The following DOK6 variants were observed in gnomAD, a reference collection of about 807,000 sequenced individuals.
DOK6 encodes the protein docking protein 6.
A neutral mutation model predicts 44.0 loss-of-function variants in DOK6; 22 were observed. That is an observed-to-expected ratio of 0.50 (90% CI 0.36 to 0.71). The LOEUF is 0.71. Among genes scored for constraint, DOK6 ranks in the 30% least tolerant of loss-of-function variants. The pLI is 0.00. For synonymous variants in DOK6, 166 were observed against 145.5 expected, an observed-to-expected ratio of 1.14 and a Z score of -1.01; for missense variants, 340 against 416.4, an observed-to-expected ratio of 0.82 and a Z score of 1.60.
chr18:69,699,210 G>C (rs973665286), intron 5 of DOK6, among the ~76,000 whole-genome samples: 6 of 152,056 alleles, frequency 3.9e-5, no homozygotes, highest in Non-Finnish European at 5.9e-5. Context: ...ACACATCCAA[G>C]ATAAGACTTA....
At chr18:69,464,719 C>T (rs550807073) in intron 1 of DOK6, among the ~76,000 whole-genome samples, 3 of 152,184 alleles carry the variant, frequency 2.0e-5, no homozygotes, top group Non-Finnish European at 4.4e-5. Context: ...TGAAGAAAGT[C>T]AGTCTTCACT....
At chr18:69,582,480 G>A (rs972077129) in intron 2 of DOK6, among the ~76,000 whole-genome samples, 1 of 152,134 alleles carries the variant, frequency 6.6e-6, no homozygotes, top group Non-Finnish European at 1.5e-5. Flanking sequence ...TTGTAACAAA[G>A]AGTTGATATA....
chr18:69,682,258 C>T (rs1445816032), intron 4 of DOK6, among the ~76,000 whole-genome samples: 4 of 152,144 alleles, frequency 2.6e-5, no homozygotes, highest in Non-Finnish European at 5.9e-5. Flanking sequence ...TGCTTAGAAG[C>T]TCACAAAGTA....
intron 7 of DOK6, among the ~76,000 whole-genome samples, chr18:69,800,352 G>A (rs184533536): frequency 2.8e-4 from 43 of 151,948 alleles, no homozygotes; most frequent in African/African-American, 7.7e-4. Flanking sequence ...ATCATCCTGC[G>A]CTTATTTTGT....
chr18:69,673,918 G>A (rs552455656), intron 3 of DOK6, among the ~76,000 whole-genome samples: 1 of 152,298 alleles, frequency 6.6e-6, no homozygotes, highest in South Asian at 2.1e-4. Context: ...TACACATTAT[G>A]TGTAGACTAA....
chr18:69,586,058 C>T (rs570586881), intron 2 of DOK6, among the ~76,000 whole-genome samples: 3 of 152,326 alleles, frequency 2.0e-5, no homozygotes, highest in South Asian at 4.1e-4. Flanking sequence ...TCCTGGCCAA[C>T]TCATGGTAGT....
chr18:69,612,431 A>ATGTGTGCGAGGGCGCC lies in DOK6; in HGVS notation c.289+12948_289+12949insCTGTGTGCGAGGGCGC, dbSNP rs1984171620. Among the ~76,000 whole-genome samples the ATGTGTGCGAGGGCGCC allele has an allele frequency of 2.0e-5, 3 of 147,262 alleles. 1 individual carries two copies. The highest frequency in any genetic ancestry group is 3.1e-5 in the Non-Finnish European group (2 of 64,688). ...CGAGGGCGCATGTGTGCGAGGGCGC[A>ATGTGTGCGAGGGCGCC]TGTGTGCGAGGGCGCATGTGTGCGA... is the stretch of plus-strand genomic sequence containing the variant. On this transcript the variant is annotated intron_variant, in intron 3 of 7. Transcript: ENST00000382713.
chr18:69,431,139 T>C (rs555783901), intron 1 of DOK6, among the ~76,000 whole-genome samples: 1 of 152,244 alleles, frequency 6.6e-6, no homozygotes, highest in African/African-American at 2.4e-5. Flanking sequence ...GGAAAAGAGA[T>C]AGTTATTGCA....
chr18:69,639,412 G>A (rs932470220), intron 3 of DOK6, among the ~76,000 whole-genome samples: 8 of 152,136 alleles, frequency 5.3e-5, no homozygotes, highest in Middle Eastern at 3.2e-3. Context: ...AGGAGGACTC[G>A]GCCGATGAGG....
intron 1 of DOK6, among the ~76,000 whole-genome samples, chr18:69,551,259 C>T (rs1329955513): frequency 6.6e-6 from 1 of 152,122 alleles, no homozygotes; most frequent in Non-Finnish European, 1.5e-5. Flanking sequence ...ATATGTGTAA[C>T]ATTTCAAGTA....
intron 2 of DOK6, among the ~76,000 whole-genome samples, chr18:69,568,629 G>C (rs1272182846): frequency 6.6e-6 from 1 of 152,178 alleles, no homozygotes; most frequent in Non-Finnish European, 1.5e-5. Flanking sequence ...GCTGTGGCCT[G>C]TTAGAAACCA....
intron 7 of DOK6, among the ~76,000 whole-genome samples, chr18:69,823,386 A>G (rs1400508523): frequency 6.6e-6 from 1 of 152,086 alleles, no homozygotes; most frequent in East Asian, 1.9e-4. Context: ...AAATTCTTAA[A>G]GAAAAAATGG....
rs1389528263 is a variant in DOK6, at chr18:69,757,418, T to C, written c.739-338T>C. Among the ~76,000 whole-genome samples the C allele has an allele frequency of 3.9e-5, 6 of 152,212 alleles. No homozygotes were observed. The South Asian group carries it at 1.2e-3, about 32-fold the overall frequency. ...GAAAGCTGAGAGTAATGCAAATAAT[T>C]CTTGTCCATAGAAATGTAAATAACT... is the stretch of plus-strand genomic sequence containing the variant. On this transcript the variant is annotated intron_variant, in intron 6 of 7. Transcript: ENST00000382713.
At chr18:69,587,245 C>T (rs1040165751) in intron 2 of DOK6, among the ~76,000 whole-genome samples, 4 of 152,206 alleles carry the variant, frequency 2.6e-5, no homozygotes, top group Admixed American at 2.0e-4. Flanking sequence ...AAGGTGTCTG[C>T]GGGGCCACAC....
chr18:69,573,271 C>T (rs540240255), intron 2 of DOK6, among the ~76,000 whole-genome samples: 35 of 151,686 alleles, frequency 2.3e-4, no homozygotes, highest in African/African-American at 6.3e-4. Flanking sequence ...GAAAATGAAG[C>T]GGCAAAACAG....
chr18:69,762,426 A>G (rs753634347), intron 7 of DOK6, among the ~76,000 whole-genome samples: 2 of 152,172 alleles, frequency 1.3e-5, no homozygotes, highest in Non-Finnish European at 2.9e-5. Flanking sequence ...CTTCTTTACA[A>G]AAAGGAGAAT....
intron 1 of DOK6, among the ~76,000 whole-genome samples, chr18:69,476,310 C>T (rs970709976): frequency 6.6e-6 from 1 of 152,200 alleles, no homozygotes; most frequent in Non-Finnish European, 1.5e-5. Context: ...ATTTTTTCTA[C>T]ATGAAGAATA....
chr18:69,578,194 T>C (rs1022128735), intron 2 of DOK6, among the ~76,000 whole-genome samples: 5 of 152,224 alleles, frequency 3.3e-5, no homozygotes, highest in Non-Finnish European at 7.3e-5. Context: ...ACTTTTTAAA[T>C]TTATCCATTT....
intron 3 of DOK6, among the ~76,000 whole-genome samples, chr18:69,674,576 C>T (rs1233744918): frequency 1.3e-5 from 2 of 151,902 alleles, no homozygotes; most frequent in Admixed American, 6.6e-5. Flanking sequence ...CACACACACT[C>T]ATCAAAACTG....
Sources: allele counts gnomAD v4.1 joint callset (sites outside exome capture counted in the v4.1 genomes callset), GRCh38; gene constraint gnomAD v4.1.1; transcripts MANE v1.5; gene names NCBI Gene and HGNC (gene_info 2026-07-23, HGNC 2026-07-21).